The following UAP1L1 variants were observed in gnomAD, a reference collection of about 807,000 sequenced individuals.
UAP1L1 encodes the protein UDP-N-acetylglucosamine pyrophosphorylase 1 like 1.
In UAP1L1, 45 loss-of-function variants were observed where a neutral mutation model predicts 45.3. That is an observed-to-expected ratio of 0.99 (90% CI 0.78 to 1.27). UAP1L1 has a LOEUF of 1.27. Among genes scored for constraint, UAP1L1 ranks in the 50% most tolerant of loss-of-function variants. The probability of loss-of-function intolerance (pLI) is 0.00; values close to 1 mark genes in which losing one functional copy is unlikely to be tolerated. For synonymous variants in UAP1L1, 323 were observed against 303.9 expected (o/e 1.06, Z -0.65); for missense variants, 667 against 694.0 (o/e 0.96, Z 0.44).
intron 5 of UAP1L1, 142 bp downstream of exon 5, chr9:137,079,591 C>A: frequency 2.6e-6 from 2 of 760,604 alleles, no homozygotes; most frequent in Non-Finnish European, 4.1e-6. Flanking sequence ...GCTGATGGGT[C>A]GGGGTGGAGA....
At chr9:137,079,633 T>G in intron 5 of UAP1L1, 184 bp downstream of exon 5, 1 of 621,824 alleles carries the variant, frequency 1.6e-6, no homozygotes. Context: ...GCAGAGGTGC[T>G]GGAGATCAGG....
intron 5 of UAP1L1, chr9:137,079,713 G>A: frequency 1.7e-6 from 1 of 583,604 alleles, no homozygotes; most frequent in Non-Finnish European, 3.0e-6. Flanking sequence ...TCCTTCTGGG[G>A]ACCTGCCCTG....
Position 137,082,695 on chromosome 9 carries a change from A to T in UAP1L1, c.1490A>T (p.Asp497Val), listed in dbSNP as rs780394935. ...CAGTCCCCGCTCATCCTGGATGAAG[A>T]CCAGGCCAGGGAGCCGCAGCTGCAG... is the stretch of plus-strand genomic sequence containing the variant. Reference protein sequence around the residue: ...EFQSPLILDEDQAREPQLQES With the variant: ...EFQSPLILDEVQAREPQLQES Residue 497 changes from aspartate to valine, a missense_variant, in exon 9 of 9, where the codon GAC (aspartate) becomes GTC (valine). Physicochemically the swap from Asp to Val is radical, Grantham distance 152. Coordinates refer to ENST00000409858, the MANE Select transcript of UAP1L1 (RefSeq NM_207309.3). This position sits in a 1 kb window ranked among gnomAD's most constrained non-coding sequence, Gnocchi z 5.7. The T allele has an allele frequency of 2.6e-6, 4 of 1,551,628 alleles. No individual in the cohort carries two copies. The highest frequency in any genetic ancestry group is 3.5e-6 in the Non-Finnish European group (4 of 1,147,442).
At chr9:137,079,494 G>T in intron 5 of UAP1L1, 45 bp downstream of exon 5, 1 of 1,540,638 alleles carries the variant, frequency 6.5e-7, no homozygotes, top group Non-Finnish European at 8.8e-7. Context: ...AGAGCCGCCT[G>T]CGTTGACCAG....
chr9:137,081,350 C>G (rs935315872), intron 7 of UAP1L1, among the ~76,000 whole-genome samples: 10 of 151,516 alleles, frequency 6.6e-5, no homozygotes, highest in East Asian at 3.9e-4. Flanking sequence ...TACAGGCGCC[C>G]GCCACCACGC....
In UAP1L1 at chr9:137,082,845, G is replaced by A; in HGVS notation, c.*116G>A. 2.5e-6 allele frequency: 2 copies of A among 798,050 alleles called. No homozygotes were observed. Among genetic ancestry groups the A allele is most frequent in the Non-Finnish European group, 4.0e-6 (2 of 497,384 alleles). 49.4% of individuals were successfully genotyped at this position (798,050 alleles called of 1,614,324 possible). A position where few individuals can be genotyped will look rare whatever the true frequency, so the allele number is the denominator to read the frequency against. ...TCCTGGAGCTGGGGGCTACAGCCCA[G>A]CCTGAGCTCTGGGTGGGAAAGCAGC... On this transcript the variant is annotated 3_prime_UTR_variant, in exon 9 of 9. Transcript: ENST00000409858. This position sits in a 1 kb window ranked among gnomAD's most constrained non-coding sequence, Gnocchi z 5.7.
rs1832768705 is a variant in UAP1L1, at chr9:137,080,150, G to A, written c.1178+8G>A. The A allele has an allele frequency of 6.2e-7, 1 of 1,613,714 alleles. No individual in the cohort carries two copies. Among genetic ancestry groups the A allele is most frequent in the South Asian group, 1.1e-5 (1 of 91,036 alleles). On this transcript the variant is annotated splice_region_variant and intron_variant, in intron 6 of 8. Transcript: ENST00000409858. ...TGTGTTCCGGTTTGCTAAGTTAGTA[G>A]TAGAACTCATTTATTTTCCCCTTCT...
In UAP1L1 at chr9:137,082,284, G is replaced by C. The variant is rs1832800088; in HGVS notation, c.1431+220G>C. 1.6e-6 allele frequency: 1 copy of C among 613,734 alleles called. No individual in the cohort carries two copies. The highest frequency in any genetic ancestry group is 1.8e-5 in the African/African-American group (1 of 54,300). 38.0% of individuals were successfully genotyped at this position (613,734 alleles called of 1,614,324 possible). A position where few individuals can be genotyped will look rare whatever the true frequency, so the allele number is the denominator to read the frequency against. On this transcript the variant is annotated intron_variant, in intron 8 of 8. Transcript: ENST00000409858. This position sits in a 1 kb window ranked among gnomAD's most constrained non-coding sequence, Gnocchi z 5.7. Reference sequence around the variant, plus strand: ...CCTGGGAGGGCATGGGGATGAGACAGCCCAGGTCTGAGCCCAGTGTGGGGC... The same window carrying C: ...CCTGGGAGGGCATGGGGATGAGACACCCCAGGTCTGAGCCCAGTGTGGGGC...
Position 137,080,673 on chromosome 9 carries a change from G to A in UAP1L1, c.1179-16G>A, listed in dbSNP as rs1832775066. ...CTCTGTGCTGGGACGTGGGTGACTA[G>A]CCCTTTCCCCACCAGGAACTTTGCT... On this transcript the variant is annotated splice_polypyrimidine_tract_variant and intron_variant, in intron 6 of 8. Transcript: ENST00000409858. The A allele has an allele frequency of 6.2e-7, 1 of 1,601,412 alleles. No individual in the cohort carries two copies. Among genetic ancestry groups the A allele is most frequent in the Admixed American group, 1.7e-5 (1 of 59,228 alleles).
chr9:137,079,130 C>T lies in UAP1L1; in HGVS notation c.825C>T (p.Gly275=), dbSNP rs75127829. 1 of 1,611,124 alleles carries T rather than the reference C, an allele frequency of 6.2e-7. No homozygotes were observed. Among genetic ancestry groups the T allele is most frequent in the South Asian group, 1.1e-5 (1 of 90,920 alleles). ...PVFIGFCVLQ[G]ADCGAKVVEK... ...TCATCGGCTTCTGTGTGTTGCAGGG[C>T]GCAGACTGTGGCGCCAAGGTTAGCG... Residue 275 remains glycine (G), a synonymous_variant, in exon 4 of 9, where the codon GGC becomes GGT. Coordinates refer to ENST00000409858, the MANE Select transcript of UAP1L1 (RefSeq NM_207309.3).
At chr9:137,081,316 C>T (rs1307151241) in intron 7 of UAP1L1, among the ~76,000 whole-genome samples, 1 of 152,030 alleles carries the variant, frequency 6.6e-6, no homozygotes, top group Admixed American at 6.5e-5. Flanking sequence ...ATTCTCCTGC[C>T]TCAGCCTCCT....
rs551929788 is a variant in UAP1L1, at chr9:137,078,271, C to T, written c.494+17C>T. 3.1e-5 allele frequency: 48 copies of T among 1,527,966 alleles called. 1 individual carries two copies. Among genetic ancestry groups the T allele is most frequent in the South Asian group, 3.0e-4 (25 of 82,142 alleles). 94.7% of individuals were successfully genotyped at this position (1,527,966 alleles called of 1,614,324 possible). A position where few individuals can be genotyped will look rare whatever the true frequency, so the allele number is the denominator to read the frequency against. ...CGTCCCCTGGTGTGTCCTGCCTGCC[C>T]TACCTCGGCCCGGAGGTACCCTTCC... On this transcript the variant is annotated intron_variant, in intron 2 of 8. Transcript: ENST00000409858.
chr9:137,082,111 G>A lies in UAP1L1; in HGVS notation c.1431+47G>A. On this transcript the variant is annotated intron_variant, in intron 8 of 8. Transcript: ENST00000409858. The surrounding 1 kb of genome is among the most constrained non-coding windows in gnomAD (Gnocchi z 5.7). ...CTGGGGCTTTTCTGGTGTCAGGTTT[G>A]GAATACCATCTGGGGAGAGGTGGCT... 1 of 1,591,744 alleles carries A rather than the reference G, an allele frequency of 6.3e-7. No individual in the cohort carries two copies. The highest frequency in any genetic ancestry group is 8.6e-7 in the Non-Finnish European group (1 of 1,159,738).
chr9:137,082,151 GGCA>G lies in UAP1L1; in HGVS notation c.1431+88_1431+90del. On this transcript the variant is annotated intron_variant, in intron 8 of 8. Transcript: ENST00000409858. The surrounding 1 kb of genome is among the most constrained non-coding windows in gnomAD (Gnocchi z 5.7). ...GAGAGGTGGCTGCTCGGGTGGAGAC[GGCA>G]CAGCTCTACCTCGGTTAACCAATGG... 2 of 1,287,260 alleles carry G rather than the reference GGCA, an allele frequency of 1.6e-6. No homozygotes were observed. The highest frequency in any genetic ancestry group is 2.3e-6 in the Non-Finnish European group (2 of 882,392). The allele number at this position is 1,287,260 out of a possible 1,614,324, so 79.7% of individuals were successfully genotyped here.
chr9:137,081,898 C>A, intron 7 of UAP1L1, 100 bp from the exon 8 acceptor site: 1 of 1,121,986 alleles, frequency 8.9e-7, no homozygotes, highest in African/African-American at 1.5e-5. Context: ...CTGTGGGGAG[C>A]CAGGTGTGTA....
At chr9:137,080,504 C>T in intron 6 of UAP1L1, 185 bp from the exon 7 acceptor site, 5 of 643,330 alleles carry the variant, frequency 7.8e-6, no homozygotes, top group South Asian at 4.1e-5. Flanking sequence ...GAAATGGCTG[C>T]TGGGATTGGG....
chr9:137,080,762 G>A lies in UAP1L1; in HGVS notation c.1252G>A (p.Asp418Asn), dbSNP rs777531371. The change falls in exon 7 of 9, where the codon GAC becomes AAC. Residue 418 changes from aspartate to asparagine, a missense_variant. Asp to Asn is a conservative substitution (Grantham distance 23, BLOSUM62 1). Coordinates refer to ENST00000409858, the MANE Select transcript of UAP1L1 (RefSeq NM_207309.3). Reference sequence around the variant, plus strand: ...GAAGAACGCAGAGCCAGCCGACAGGGACAGTCCCCGCACCGCTCGCCAGGC... The same window carrying A: ...GAAGAACGCAGAGCCAGCCGACAGGAACAGTCCCCGCACCGCTCGCCAGGC... ...PLKNAEPADRDSPRTARQALL... is the reference protein window; with the variant it reads ...PLKNAEPADRNSPRTARQALL... The A allele has an allele frequency of 1.9e-5, 31 of 1,612,734 alleles. No homozygotes were observed. The highest frequency in any genetic ancestry group is 1.8e-4 in the South Asian group (16 of 91,090).
rs1832799272 is a variant in UAP1L1 at position 137,082,224 on chromosome 9, G to T, written c.1431+160G>T. On this transcript the variant is annotated intron_variant, in intron 8 of 8. Coordinates refer to ENST00000409858, the MANE Select transcript of UAP1L1 (RefSeq NM_207309.3). The surrounding 1 kb of genome is among the most constrained non-coding windows in gnomAD (Gnocchi z 5.7). ...CAGAAGACTTTCCAAGATATGGGTTGGGGTGGGGTGAGGCATCCAGAGGCC... is the reference window on the plus strand; with the variant it reads ...CAGAAGACTTTCCAAGATATGGGTTTGGGTGGGGTGAGGCATCCAGAGGCC... 5 of 735,334 alleles carry T rather than the reference G, an allele frequency of 6.8e-6. No homozygotes were observed. Among genetic ancestry groups the T allele is most frequent in the Middle Eastern group, 5.0e-4 (2 of 4,028 alleles). The allele number at this position is 735,334 out of a possible 1,614,324, so 45.6% of individuals were successfully genotyped here. A position where few individuals can be genotyped will look rare whatever the true frequency, so the allele number is the denominator to read the frequency against.
In UAP1L1 at chr9:137,082,054, A is replaced by G. The variant is rs777982963; in HGVS notation, c.1421A>G (p.Tyr474Cys). 1.2e-6 allele frequency: 2 copies of G among 1,613,714 alleles called. No homozygotes were observed. The highest frequency in any genetic ancestry group is 1.7e-6 in the Non-Finnish European group (2 of 1,179,972). ...TGTGAGATATCGCCCTTGGTGTCTTACTCTGGAGAGGTGAGAGCTGCCCAT... is the reference window on the plus strand; with the variant it reads ...TGTGAGATATCGCCCTTGGTGTCTTGCTCTGGAGAGGTGAGAGCTGCCCAT... Reference protein sequence around the residue: ...AICEISPLVSYSGEGLEVYLQ... With the variant: ...AICEISPLVSCSGEGLEVYLQ... The change falls in exon 8 of 9, where the codon TAC becomes TGC. Residue 474 changes from tyrosine to cysteine, a missense_variant. Transcript: ENST00000409858. This position sits in a 1 kb window ranked among gnomAD's most constrained non-coding sequence, Gnocchi z 5.7.
Sources: allele counts gnomAD v4.1 joint callset (sites outside exome capture counted in the v4.1 genomes callset), GRCh38; gene constraint gnomAD v4.1.1; non-coding constraint Gnocchi (gnomAD v3.1); transcripts MANE v1.5; gene names NCBI Gene and HGNC (gene_info 2026-07-23, HGNC 2026-07-21).